FAM53B: variants seen among roughly 807,000 people sequenced by gnomAD.
FAM53B encodes the protein family with sequence similarity 53 member B.
Under a neutral mutation model 32.7 loss-of-function variants are expected in FAM53B, and 12 were observed. That is an observed-to-expected ratio of 0.37 (90% CI 0.24 to 0.59). FAM53B has a LOEUF of 0.59. FAM53B is among the 20% of genes least tolerant of loss of function. The pLI is 0.72. For missense variants in FAM53B, 477 were observed against 577.7 expected (o/e 0.83, Z 1.79); for synonymous variants, 234 against 228.7 (o/e 1.02, Z -0.21).
intron 4 of FAM53B, among the ~76,000 whole-genome samples, chr10:124,669,494 G>C (rs1418098571): frequency 1.3e-5 from 2 of 152,220 alleles, no homozygotes; most frequent in African/African-American, 4.8e-5. Flanking sequence ...GGGATTCACT[G>C]ATCCATCAGG....
intron 2 of FAM53B, among the ~76,000 whole-genome samples, chr10:124,698,546 A>G (rs530652696): frequency 6.6e-6 from 1 of 152,288 alleles, no homozygotes; most frequent in Admixed American, 6.5e-5. Context: ...GCCAGCACAC[A>G]GAGCACCCCA....
chr10:124,687,567 T>A (rs1376769967), intron 3 of FAM53B, among the ~76,000 whole-genome samples: 5 of 152,180 alleles, frequency 3.3e-5, no homozygotes, highest in Non-Finnish European at 5.9e-5. Flanking sequence ...GAGGCTTGAC[T>A]CAGCCAGAGC....
intron 1 of FAM53B, among the ~76,000 whole-genome samples, chr10:124,714,758 CAAAAAAAAA>C (rs71484584): frequency 3.3e-5 from 3 of 90,846 alleles, no homozygotes; most frequent in African/African-American, 1.5e-4. Flanking sequence ...GACTCCACCT[CAAAAAAAAA>C]AAAAAAAAAA....
chr10:124,673,917 G>C (rs1010992120), intron 4 of FAM53B, among the ~76,000 whole-genome samples: 2 of 152,216 alleles, frequency 1.3e-5, no homozygotes, highest in African/African-American at 4.8e-5. Flanking sequence ...TGCATGCATG[G>C]TCAGAAACCC....
chr10:124,712,112 C>T lies in FAM53B; in HGVS notation c.-174-5225G>A, dbSNP rs183192417. Among the ~76,000 whole-genome samples, 803 of 152,052 alleles carry T rather than the reference C, an allele frequency of 5.3e-3. 8 individuals are homozygous for T. Among genetic ancestry groups the T allele is most frequent in the African/African-American group, 0.018 (745 of 41,456 alleles). On this transcript the variant is annotated intron_variant, in intron 1 of 4. Coordinates refer to ENST00000337318, the MANE Select transcript of FAM53B (RefSeq NM_014661.4). Reference sequence around the variant, plus strand: ...GGTCATGCCTGTAATCCCAGCACTACGGGAGACTGACGTCAGTGGATCACT... The same window carrying T: ...GGTCATGCCTGTAATCCCAGCACTATGGGAGACTGACGTCAGTGGATCACT...
At chr10:124,653,904 T>C (rs1197639787) in intron 4 of FAM53B, among the ~76,000 whole-genome samples, 2 of 152,214 alleles carry the variant, frequency 1.3e-5, no homozygotes, top group Non-Finnish European at 2.9e-5. Context: ...ACCAGTGCTG[T>C]GCAGAAACTC....
chr10:124,645,218 C>A (rs1949504910), intron 4 of FAM53B, among the ~76,000 whole-genome samples: 1 of 152,248 alleles, frequency 6.6e-6, no homozygotes, highest in African/African-American at 2.4e-5. Flanking sequence ...CCATCACCGC[C>A]ATTCTGTGGT....
chr10:124,687,230 G>A (rs987245035), intron 3 of FAM53B, among the ~76,000 whole-genome samples: 22 of 152,144 alleles, frequency 1.4e-4, no homozygotes, highest in African/African-American at 4.8e-4. Flanking sequence ...AGGCCCTGAC[G>A]TCACACCATA....
chr10:124,677,977 G>C (rs748526372), intron 4 of FAM53B, among the ~76,000 whole-genome samples: 4 of 152,192 alleles, frequency 2.6e-5, no homozygotes, highest in Non-Finnish European at 4.4e-5. Flanking sequence ...TACAGGCTGA[G>C]CTGAGCTGCA....
chr10:124,709,818 A>G (rs776477045), intron 1 of FAM53B, among the ~76,000 whole-genome samples: 4 of 151,756 alleles, frequency 2.6e-5, no homozygotes, highest in Non-Finnish European at 4.4e-5. Flanking sequence ...CCTGAGTGAC[A>G]GAGTGAGTCT....
chr10:124,706,045 T>C (rs905398369), intron 2 of FAM53B, among the ~76,000 whole-genome samples: 11 of 152,190 alleles, frequency 7.2e-5, no homozygotes, highest in Admixed American at 6.5e-4. Context: ...GAAGGACAGG[T>C]CTGCTGACAG....
At chr10:124,660,299 A>G (rs557307213) in intron 4 of FAM53B, among the ~76,000 whole-genome samples, 36 of 152,356 alleles carry the variant, frequency 2.4e-4, no homozygotes, top group African/African-American at 7.7e-4. Flanking sequence ...ACACTGTCTC[A>G]AGCATGAGGG....
intron 1 of FAM53B, among the ~76,000 whole-genome samples, chr10:124,716,921 A>G (rs992136044): frequency 2.0e-5 from 3 of 152,182 alleles, no homozygotes; most frequent in African/African-American, 7.2e-5. Flanking sequence ...AAGATAATCT[A>G]CTATCATGTT....
chr10:124,634,596 G>T (rs561805647), intron 4 of FAM53B, among the ~76,000 whole-genome samples: 1 of 152,216 alleles, frequency 6.6e-6, no homozygotes, highest in Non-Finnish European at 1.5e-5. Context: ...TTCCCCTTCC[G>T]CCATGACTGT....
chr10:124,630,680 C>T (rs942118818), intron 4 of FAM53B, among the ~76,000 whole-genome samples: 3 of 152,234 alleles, frequency 2.0e-5, no homozygotes, highest in Non-Finnish European at 4.4e-5. Flanking sequence ...AGACTCTTCC[C>T]AGACCACAGG....
At chr10:124,699,485 A>G (rs1949899294) in intron 2 of FAM53B, among the ~76,000 whole-genome samples, 1 of 152,214 alleles carries the variant, frequency 6.6e-6, no homozygotes, top group African/African-American at 2.4e-5. Context: ...CACTCTACCT[A>G]AGGGTTCCCA....
chr10:124,672,441 T>A (rs1949712231), intron 4 of FAM53B, among the ~76,000 whole-genome samples: 1 of 152,254 alleles, frequency 6.6e-6, no homozygotes, highest in South Asian at 2.1e-4. Context: ...TGGCCAGGCC[T>A]CCCTTTCGCT....
chr10:124,687,192 T>C (rs750451537), intron 3 of FAM53B, among the ~76,000 whole-genome samples: 13 of 152,200 alleles, frequency 8.5e-5, no homozygotes, highest in African/African-American at 3.1e-4. Context: ...TAGAAGCTAA[T>C]TTTTCATGGC....
intron 4 of FAM53B, among the ~76,000 whole-genome samples, chr10:124,635,470 C>T (rs150524642): frequency 1.1e-4 from 16 of 152,304 alleles, no homozygotes; most frequent in African/African-American, 3.8e-4. Context: ...AGATGTTCAA[C>T]TGATTAGAAA....
Sources: gnomAD v4.1 joint callset for allele counts (sites outside exome capture counted in the v4.1 genomes callset) on GRCh38, gnomAD v4.1.1 for gene constraint, MANE v1.5 for transcripts, NCBI Gene and HGNC (gene_info 2026-07-23, HGNC 2026-07-21) for gene names.